SAMD13: variants seen among roughly 807,000 people sequenced by gnomAD.
The protein encoded by SAMD13 is sterile alpha motif domain-containing protein 13.
A neutral mutation model predicts 12.4 loss-of-function variants in SAMD13; 9 were observed. The observed-to-expected ratio is 0.72, with a 90% CI of 0.44 to 1.26. The LOEUF (loss-of-function observed/expected upper bound fraction) is 1.26. SAMD13 is among the 50% of genes most tolerant of loss of function. The probability of loss-of-function intolerance (pLI) is 0.00; values close to 1 mark genes in which losing one functional copy is unlikely to be tolerated. For missense variants in SAMD13, 84 were observed against 119.6 expected (o/e 0.70, Z 1.39); for synonymous variants, 46 against 45.4 (o/e 1.01, Z -0.05).
chr1:84,317,233 A>G (rs1558445658), intron 2 of SAMD13, among the ~76,000 whole-genome samples: 1 of 152,002 alleles, frequency 6.6e-6, no homozygotes, highest in Non-Finnish European at 1.5e-5. Flanking sequence ...TAGGATTTCC[A>G]GTCCTGTGTT....
At chr1:84,334,970 G>T (rs1679263334) in intron 3 of SAMD13, among the ~76,000 whole-genome samples, 1 of 151,942 alleles carries the variant, frequency 6.6e-6, no homozygotes, top group African/African-American at 2.4e-5. Flanking sequence ...TGCTAATTGT[G>T]TGGTCGATTT....
intron 3 of SAMD13, among the ~76,000 whole-genome samples, chr1:84,349,364 C>T (rs1478042336): frequency 6.6e-6 from 1 of 152,144 alleles, no homozygotes; most frequent in African/African-American, 2.4e-5. Flanking sequence ...ATGCAGTAAG[C>T]TTGCGATCTG....
At chr1:84,303,339 A>G (rs1390380657) in intron 2 of SAMD13, 52 bp downstream of exon 2, 1 of 1,456,918 alleles carries the variant, frequency 6.9e-7, no homozygotes, top group Non-Finnish European at 9.6e-7. Flanking sequence ...AGAGGGACTT[A>G]GTTTCTATTT....
intron 2 of SAMD13, among the ~76,000 whole-genome samples, chr1:84,312,071 A>G (rs1678727869): frequency 6.6e-6 from 1 of 152,136 alleles, no homozygotes; most frequent in African/African-American, 2.4e-5. Context: ...TTTTTGTGAC[A>G]TACCTCTCTA....
chr1:84,319,475 A>G (rs1267674733), intron 2 of SAMD13, among the ~76,000 whole-genome samples: 1 of 151,976 alleles, frequency 6.6e-6, no homozygotes, highest in African/African-American at 2.4e-5. Flanking sequence ...TACAAAAAAT[A>G]CAAAAAATTA....
chr1:84,344,773 A>C (rs909109116), intron 3 of SAMD13: 59 of 391,904 alleles, frequency 1.5e-4, no homozygotes, highest in African/African-American at 1.2e-3. Context: ...AGGTACACCC[A>C]GACAAGAACC....
chr1:84,337,857 C>G (rs1380976770), intron 3 of SAMD13, among the ~76,000 whole-genome samples: 1 of 152,156 alleles, frequency 6.6e-6, no homozygotes, highest in Non-Finnish European at 1.5e-5. Context: ...GAAGGCTTTG[C>G]TACTTAGAAA....
upstream of SAMD13, chr1:84,299,555 C>G: frequency 6.9e-7 from 1 of 1,451,838 alleles, no homozygotes; most frequent in Non-Finnish European, 9.2e-7. Context: ...ATAGTGCACA[C>G]ATCACACTCA....
chr1:84,305,521 AT>A (rs1270376736), intron 2 of SAMD13, among the ~76,000 whole-genome samples: 1 of 151,982 alleles, frequency 6.6e-6, no homozygotes, highest in Non-Finnish European at 1.5e-5. Flanking sequence ...TAGTTTATCA[AT>A]TTTTTTCTTT....
intron 3 of SAMD13, among the ~76,000 whole-genome samples, chr1:84,344,466 A>C (rs533822706): frequency 4.6e-5 from 7 of 152,304 alleles, no homozygotes; most frequent in African/African-American, 1.7e-4. Context: ...GGAGCTGCTG[A>C]CAGAAGGTGG....
intron 3 of SAMD13, among the ~76,000 whole-genome samples, chr1:84,347,549 A>T (rs964160154): frequency 1.3e-5 from 2 of 152,206 alleles, no homozygotes; most frequent in African/African-American, 4.8e-5. Context: ...TTCTTGGTGT[A>T]TAGAAATGAA....
rs1678458236 is a variant in SAMD13 at position 84,301,772 on chromosome 1, T to TA, written c.-56dup. ...TCTTTGGCTGTTCTTGATAAGCCTA[T>TA]AAAAAATGATATTTTTTAGTTGCTT... On this transcript the variant is annotated 5_prime_UTR_variant, in exon 1 of 4. In the 5' UTR this introduces an upstream ATG that the reference lacks. Coordinates refer to ENST00000394834, the MANE Select transcript of SAMD13 (RefSeq NM_001134663.2). 8 of 985,272 alleles carry TA rather than the reference T, an allele frequency of 8.1e-6. No individual in the cohort carries two copies. The highest frequency in any genetic ancestry group is 9.6e-6 in the Non-Finnish European group (8 of 829,874). The allele number at this position is 985,272 out of a possible 1,614,324, so 61.0% of individuals were successfully genotyped here.
At chr1:84,322,391 T>C (rs1171118393) in intron 2 of SAMD13, among the ~76,000 whole-genome samples, 1 of 152,194 alleles carries the variant, frequency 6.6e-6, no homozygotes, top group Non-Finnish European at 1.5e-5. Flanking sequence ...TCTTAACCTT[T>C]CTGAGCCTTC....
At chr1:84,299,547 A>C (rs1475781064), upstream of SAMD13, 1 of 1,413,334 alleles carries the variant, frequency 7.1e-7, no homozygotes, top group African/African-American at 1.4e-5. Context: ...TACACCACAT[A>C]GTGCACACAT....
intron 2 of SAMD13, among the ~76,000 whole-genome samples, chr1:84,309,510 C>A (rs1387552561): frequency 6.6e-6 from 1 of 152,186 alleles, no homozygotes; most frequent in Non-Finnish European, 1.5e-5. Context: ...GTCTCCCAGC[C>A]TTGACCCACA....
chr1:84,350,125 A>T lies in SAMD13; in HGVS notation c.*351A>T, dbSNP rs1354968772. 1.7e-5 allele frequency: 3 copies of T among 172,308 alleles called. No homozygotes were observed. Among genetic ancestry groups the T allele is most frequent in the African/African-American group, 7.1e-5 (3 of 42,046 alleles). 10.7% of individuals were successfully genotyped at this position (172,308 alleles called of 1,614,324 possible). ...TTAAAAAAGAATTTAATTAAATGAC[A>T]GTCTTTTGGTTACAGACTTAGGATG... On this transcript the variant is annotated 3_prime_UTR_variant, in exon 4 of 4. Coordinates refer to ENST00000394834, the MANE Select transcript of SAMD13 (RefSeq NM_001134663.2).
intron 2 of SAMD13, among the ~76,000 whole-genome samples, chr1:84,315,252 C>A (rs1021265913): frequency 2.6e-5 from 4 of 152,084 alleles, no homozygotes; most frequent in Non-Finnish European, 5.9e-5. Context: ...CCCTTTCCCC[C>A]TTCCTTTAGA....
At chr1:84,342,912 A>G (rs905572591) in intron 3 of SAMD13, among the ~76,000 whole-genome samples, 2 of 152,250 alleles carry the variant, frequency 1.3e-5, no homozygotes, top group African/African-American at 4.8e-5. Context: ...CATCAGAGTG[A>G]ACAGGTAACC....
intron 3 of SAMD13, chr1:84,344,870 G>A (rs1282742751): frequency 2.2e-6 from 1 of 456,502 alleles, no homozygotes; most frequent in Non-Finnish European, 4.4e-6. Context: ...AATGAAATGA[G>A]TATGACAAGT....
Sources: gnomAD v4.1 joint callset for allele counts (sites outside exome capture counted in the v4.1 genomes callset) on GRCh38, gnomAD v4.1.1 for gene constraint, MANE v1.5 for transcripts, NCBI Gene and HGNC (gene_info 2026-07-23, HGNC 2026-07-21) for gene names.